The following ROBO1 variants were observed in gnomAD, a reference collection of about 807,000 sequenced individuals.
ROBO1 encodes roundabout guidance receptor 1.
ROBO1 carries 149 observed loss-of-function variants against 195.9 expected under a neutral mutation model. The observed-to-expected ratio is 0.76, with a 90% CI of 0.67 to 0.87. ROBO1 has a LOEUF of 0.87. Among genes scored for constraint, ROBO1 ranks in the 40% least tolerant of loss-of-function variants. The pLI is 0.00. For missense variants in ROBO1, 1,933 were observed against 2,068.3 expected (o/e 0.93, Z 1.27); for synonymous variants, 816 against 733.2 (o/e 1.11, Z -1.82).
At chr3:79,255,531 T>A (rs1454052221) in intron 2 of ROBO1, among the ~76,000 whole-genome samples, 2 of 152,184 alleles carry the variant, frequency 1.3e-5, no homozygotes, top group Admixed American at 1.3e-4. Flanking sequence ...ACATTAGAAA[T>A]CTATTCGGAT....
chr3:79,722,249 C>T lies in ROBO1; in HGVS notation c.-51+45503G>A, dbSNP rs142037603. Reference sequence around the variant, plus strand: ...TATGTACTGGTAGCTCAAGTATGTACGGGAAAACTGCACTATCAATTGACC... The same window carrying T: ...TATGTACTGGTAGCTCAAGTATGTATGGGAAAACTGCACTATCAATTGACC... On this transcript the variant is annotated intron_variant, in intron 1 of 30. Transcript: ENST00000464233. 1.1e-4 allele frequency among the ~76,000 whole-genome samples: 16 copies of T among 152,196 alleles called. No homozygotes were observed. The East Asian group carries it at 1.2e-3, about 11-fold the overall frequency.
intron 2 of ROBO1, among the ~76,000 whole-genome samples, chr3:79,305,487 CAAAAAAAAAA>C (rs755731665): frequency 1.8e-5 from 1 of 55,704 alleles, no homozygotes; most frequent in African/African-American, 6.3e-5. Context: ...AACTCCATCT[CAAAAAAAAAA>C]AAAAAAAAAA....
At chr3:79,072,944 T>C (rs1005543514) in intron 3 of ROBO1, among the ~76,000 whole-genome samples, 4 of 152,020 alleles carry the variant, frequency 2.6e-5, no homozygotes, top group Non-Finnish European at 5.9e-5. Flanking sequence ...ATCTGTGTAC[T>C]ATAACCAAAT....
chr3:78,859,728 A>G (rs184538384), intron 4 of ROBO1, among the ~76,000 whole-genome samples: 5 of 152,248 alleles, frequency 3.3e-5, no homozygotes, highest in Admixed American at 2.0e-4. Flanking sequence ...GCTGGGCCTC[A>G]GTATGTGATA....
chr3:78,804,617 A>G (rs1161752549), intron 4 of ROBO1, among the ~76,000 whole-genome samples: 1 of 151,852 alleles, frequency 6.6e-6, no homozygotes, highest in African/African-American at 2.4e-5. Flanking sequence ...GTGTAGAGGG[A>G]AAAAAATAAA....
intron 4 of ROBO1, among the ~76,000 whole-genome samples, chr3:78,849,845 C>T (rs950031961): frequency 5.9e-5 from 9 of 151,510 alleles, no homozygotes; most frequent in African/African-American, 1.2e-4. Context: ...CACACACACA[C>T]ACACACACAC....
intron 2 of ROBO1, among the ~76,000 whole-genome samples, chr3:79,551,690 A>T (rs1942517478): frequency 6.6e-6 from 1 of 152,100 alleles, no homozygotes; most frequent in African/African-American, 2.4e-5. Flanking sequence ...ATGTCAGCAC[A>T]GCAAGTTCCT....
chr3:78,923,646 G>T (rs778378901), intron 4 of ROBO1, among the ~76,000 whole-genome samples: 5 of 152,248 alleles, frequency 3.3e-5, no homozygotes, highest in Middle Eastern at 3.4e-3. Context: ...CATTCCAGAA[G>T]AAGTTACTCC....
chr3:79,017,450 A>AGTGTGTGTGTGTGCGT (rs2077974031), intron 3 of ROBO1, among the ~76,000 whole-genome samples: 1 of 133,432 alleles, frequency 7.5e-6, no homozygotes, highest in Non-Finnish European at 1.6e-5. Context: ...TCCGAGGTGC[A>AGTGTGTGTGTGTGCGT]GTGTGTGTGT....
intron 2 of ROBO1, among the ~76,000 whole-genome samples, chr3:79,438,466 A>C (rs1348484050): frequency 6.6e-6 from 1 of 152,020 alleles, no homozygotes. Context: ...GATGAGAAAA[A>C]AGTAGGTGTA....
intron 2 of ROBO1, among the ~76,000 whole-genome samples, chr3:79,375,979 T>C (rs1282965951): frequency 1.3e-5 from 2 of 152,204 alleles, no homozygotes; most frequent in African/African-American, 4.8e-5. Context: ...GGCCAGGTGA[T>C]ATCCACAGGA....
chr3:79,190,381 CTT>C (rs529428062), intron 2 of ROBO1, among the ~76,000 whole-genome samples: 40 of 151,550 alleles, frequency 2.6e-4, no homozygotes, highest in Non-Finnish European at 5.5e-4. Flanking sequence ...TTTTATATAA[CTT>C]TGATTTAATT....
intron 8 of ROBO1, among the ~76,000 whole-genome samples, chr3:78,711,424 TTTCTTTCTTTCTTTCTTTCC>T (rs1268827463): frequency 1.1e-4 from 12 of 111,052 alleles, no homozygotes; most frequent in African/African-American, 3.9e-4. Flanking sequence ...TCTTTCTTTC[TTTCTTTCTTTCTTTCTTTCC>T]TTCCTTCCTT....
intron 2 of ROBO1, among the ~76,000 whole-genome samples, chr3:79,179,978 G>A (rs1052850411): frequency 2.6e-5 from 4 of 152,106 alleles, no homozygotes; most frequent in Admixed American, 1.3e-4. Flanking sequence ...TATTTTAATA[G>A]TTTTAAAAAT....
intron 4 of ROBO1, among the ~76,000 whole-genome samples, chr3:78,867,408 A>G (rs2035248869): frequency 6.6e-6 from 1 of 152,018 alleles, no homozygotes; most frequent in South Asian, 2.1e-4. Flanking sequence ...AAAGTGTTTG[A>G]TTTTTTTTCC....
chr3:79,676,715 A>T (rs530367816), intron 1 of ROBO1, among the ~76,000 whole-genome samples: 71 of 152,148 alleles, frequency 4.7e-4, no homozygotes, highest in African/African-American at 1.7e-3. Flanking sequence ...TCTTGCAGGT[A>T]ACATTTCACC....
chr3:79,720,947 C>T (rs972758078), intron 1 of ROBO1, among the ~76,000 whole-genome samples: 3 of 152,022 alleles, frequency 2.0e-5, no homozygotes, highest in Non-Finnish European at 2.9e-5. Flanking sequence ...CGCCCGCCAC[C>T]GTGCCCGGCT....
In ROBO1 at chr3:79,553,773, C is replaced by T. The variant is rs370942779; in HGVS notation, c.88+36051G>A. ...TTGCTCTTTCAATTATCACTGGCCA[C>T]GGGCCCATGTTGAAAATTCAGTTCA... On this transcript the variant is annotated intron_variant, in intron 2 of 30. Coordinates refer to ENST00000464233, the MANE Select transcript of ROBO1 (RefSeq NM_002941.4). 5.3e-5 allele frequency among the ~76,000 whole-genome samples: 8 copies of T among 152,054 alleles called. No individual in the cohort carries two copies. The South Asian group carries it at 6.2e-4, about 12-fold the overall frequency.
chr3:79,204,533 C>G (rs1201050347), intron 2 of ROBO1, among the ~76,000 whole-genome samples: 1 of 152,012 alleles, frequency 6.6e-6, no homozygotes, highest in South Asian at 2.1e-4. Context: ...CCGTCATAGC[C>G]TGTGTGAGGA....
Sources: gnomAD v4.1 joint callset for allele counts (sites outside exome capture counted in the v4.1 genomes callset) on GRCh38, gnomAD v4.1.1 for gene constraint, MANE v1.5 for transcripts, NCBI Gene and HGNC (gene_info 2026-07-23, HGNC 2026-07-21) for gene names.